The following RAB11FIP2 variants were observed in gnomAD, a reference collection of about 807,000 sequenced individuals.
The protein encoded by RAB11FIP2 is RAB11 family interacting protein 2.
RAB11FIP2 carries 16 observed loss-of-function variants against 40.9 expected under a neutral mutation model. The ratio of observed to expected loss-of-function variants is 0.39; its 90% CI spans 0.26 to 0.59. The LOEUF is 0.59. Ranked by LOEUF, RAB11FIP2 falls within the 20% of genes least tolerant of loss-of-function variation. RAB11FIP2 has a pLI of 0.53. For synonymous variants in RAB11FIP2, 228 were observed against 213.7 expected (o/e 1.07, Z -0.58); for missense variants, 532 against 606.2 (o/e 0.88, Z 1.28).
rs978307653 is a variant in RAB11FIP2, at chr10:118,008,557, GT to G, written c.*440del. ...CATATGTGTATATAAAATATAAACT[GT>G]TTTTTTAGTAGTGTTTATAACGAGC... On this transcript the variant is annotated 3_prime_UTR_variant, in exon 5 of 5. Transcript: ENST00000355624. The G allele has an allele frequency of 5.7e-6, 1 of 174,344 alleles. No individual in the cohort carries two copies. The allele number at this position is 174,344 out of a possible 1,614,324, so 10.8% of individuals were successfully genotyped here. A position where few individuals can be genotyped will look rare whatever the true frequency, so the allele number is the denominator to read the frequency against.
At chr10:118,014,230 T>A (rs1197254523) in intron 4 of RAB11FIP2, among the ~76,000 whole-genome samples, 1 of 152,052 alleles carries the variant, frequency 6.6e-6, no homozygotes, top group African/African-American at 2.4e-5. Flanking sequence ...GATATGGGAT[T>A]GCCTAAAAAA....
chr10:118,022,007 A>T (rs768359957), intron 3 of RAB11FIP2, among the ~76,000 whole-genome samples: 31 of 152,246 alleles, frequency 2.0e-4, no homozygotes, highest in Non-Finnish European at 3.1e-4. Context: ...ATGTCTGATC[A>T]AAATCTTAGA....
At chr10:118,026,730 T>C (rs1383854054) in intron 3 of RAB11FIP2, among the ~76,000 whole-genome samples, 1 of 152,210 alleles carries the variant, frequency 6.6e-6, no homozygotes, top group Non-Finnish European at 1.5e-5. Flanking sequence ...ATATCCTTAT[T>C]AGTACTATGA....
Position 118,015,016 on chromosome 10 carries a change from A to G in RAB11FIP2, c.1311+49T>C, listed in dbSNP as rs199593514. ...ATTTTTAGAAATGTGTGCCAGAGAA[A>G]AAGACCAGCTTACTCTTTGACAACC... On this transcript the variant is annotated intron_variant, in intron 4 of 4. Transcript: ENST00000355624. 1.4e-4 allele frequency: 205 copies of G among 1,506,140 alleles called. 1 individual carries two copies. In the African/African-American group the frequency reaches 2.6e-3, roughly 19 times the overall value. 93.3% of individuals were successfully genotyped at this position (1,506,140 alleles called of 1,614,324 possible).
intron 4 of RAB11FIP2, 25 bp downstream of exon 4, chr10:118,015,039 AC>A: frequency 6.4e-7 from 1 of 1,571,372 alleles, no homozygotes; most frequent in Non-Finnish European, 8.7e-7. Context: ...CTCTTTGACA[AC>A]CCTCTAACCC....
chr10:118,032,843 C>A (rs1846431497), intron 3 of RAB11FIP2, among the ~76,000 whole-genome samples: 1 of 152,062 alleles, frequency 6.6e-6, no homozygotes, highest in Admixed American at 6.6e-5. Context: ...TGTACCCACA[C>A]TGTCTACACT....
At chr10:118,027,468 C>A (rs1196888416) in intron 3 of RAB11FIP2, among the ~76,000 whole-genome samples, 2 of 152,118 alleles carry the variant, frequency 1.3e-5, no homozygotes, top group Non-Finnish European at 2.9e-5. Context: ...CATTTAATTT[C>A]TTTGAAGATA....
chr10:118,034,119 G>C (rs60695406), intron 3 of RAB11FIP2: 2 of 688,496 alleles, frequency 2.9e-6, no homozygotes, highest in East Asian at 5.5e-5. Context: ...CGCTACCACC[G>C]TACACAATTA....
chr10:118,019,900 A>G (rs1020152031), intron 3 of RAB11FIP2, among the ~76,000 whole-genome samples: 3 of 152,126 alleles, frequency 2.0e-5, no homozygotes, highest in African/African-American at 4.8e-5. Flanking sequence ...GTGACATAAT[A>G]TAACAAAAAT....
intron 3 of RAB11FIP2, among the ~76,000 whole-genome samples, chr10:118,020,484 G>A (rs148850368): frequency 2.6e-5 from 4 of 152,310 alleles, no homozygotes; most frequent in African/African-American, 9.6e-5. Flanking sequence ...TCTGGAGAGT[G>A]TATCACCTGG....
intron 3 of RAB11FIP2, among the ~76,000 whole-genome samples, chr10:118,016,402 A>C (rs1284452379): frequency 2.0e-5 from 3 of 152,180 alleles, no homozygotes; most frequent in Non-Finnish European, 1.5e-5. Flanking sequence ...TCAAGTCACT[A>C]TACCAGCAAA....
chr10:118,012,902 C>T (rs1846174682), intron 4 of RAB11FIP2, among the ~76,000 whole-genome samples: 1 of 152,002 alleles, frequency 6.6e-6, no homozygotes. Flanking sequence ...TTCTACTCCA[C>T]CTCTGTTAAA....
intron 3 of RAB11FIP2, among the ~76,000 whole-genome samples, chr10:118,019,561 T>C (rs1048291093): frequency 1.1e-4 from 16 of 152,070 alleles, no homozygotes; most frequent in African/African-American, 3.9e-4. Context: ...TGGTGGCTCA[T>C]GCCTGTAATC....
intron 3 of RAB11FIP2, among the ~76,000 whole-genome samples, chr10:118,029,791 A>C (rs908373671): frequency 6.6e-6 from 1 of 152,092 alleles, no homozygotes; most frequent in East Asian, 1.9e-4. Flanking sequence ...ATGTTTGCTG[A>C]ATGTGGGAAT....
chr10:118,032,772 G>T (rs1460365407), intron 3 of RAB11FIP2, among the ~76,000 whole-genome samples: 1 of 152,028 alleles, frequency 6.6e-6, no homozygotes, highest in Non-Finnish European at 1.5e-5. Context: ...GACATGGTAG[G>T]CCATCCGATT....
Position 118,028,719 on chromosome 10 carries a change from C to T in RAB11FIP2, c.1265+10253G>A, listed in dbSNP as rs576553003. Among the ~76,000 whole-genome samples the T allele has an allele frequency of 3.3e-5, 5 of 152,170 alleles. No homozygotes were observed. The East Asian group carries it at 9.7e-4, about 29-fold the overall frequency. ...TAATTATGTAAGAAATAGAAGTTAT[C>T]CTCTTAGTGAGAAACTAACAAAAAG... On this transcript the variant is annotated intron_variant, in intron 3 of 4. Transcript: ENST00000355624.
intron 3 of RAB11FIP2, among the ~76,000 whole-genome samples, chr10:118,036,214 C>A (rs544757322): frequency 6.6e-6 from 1 of 152,042 alleles, no homozygotes; most frequent in Admixed American, 6.6e-5. Flanking sequence ...CCAGTTCACT[C>A]ACCAAGAAGA....
At position 118,039,188 on chromosome 10, in the gene RAB11FIP2, T is replaced by C. The variant is rs754207808; in HGVS notation, c.1049A>G (p.Lys350Arg). The C allele has an allele frequency of 1.2e-6, 2 of 1,613,716 alleles. No homozygotes were observed. Among genetic ancestry groups the C allele is most frequent in the Non-Finnish European group, 1.7e-6 (2 of 1,179,786 alleles). The change falls in exon 3 of 5, where the codon AAA (lysine) becomes AGA (arginine). Residue 350 changes from lysine (K) to arginine (R), a missense_variant. Coordinates refer to ENST00000355624, the MANE Select transcript of RAB11FIP2 (RefSeq NM_014904.3). ...SKPIEIRKENKREKREKVSLF... is the reference protein window; with the variant it reads ...SKPIEIRKENRREKREKVSLF... ...GCTAACTTTCTCCCTTTTCTCTCTTTTATTTTCTTTTCTTATTTCAATTGG... is the reference window on the plus strand; with the variant it reads ...GCTAACTTTCTCCCTTTTCTCTCTTCTATTTTCTTTTCTTATTTCAATTGG...
chr10:118,025,624 C>T (rs1361162079), intron 3 of RAB11FIP2, among the ~76,000 whole-genome samples: 2 of 152,204 alleles, frequency 1.3e-5, no homozygotes, highest in Admixed American at 6.5e-5. Flanking sequence ...ACTCTTCATA[C>T]ATTCTATAGA....
Sources: gnomAD v4.1 joint callset for allele counts (sites outside exome capture counted in the v4.1 genomes callset) on GRCh38, gnomAD v4.1.1 for gene constraint, MANE v1.5 for transcripts, NCBI Gene and HGNC (gene_info 2026-07-23, HGNC 2026-07-21) for gene names.